REPS2: variants seen among roughly 807,000 people sequenced by gnomAD.
REPS2 encodes RALBP1 associated Eps domain containing 2, also known as ralBP1-associated Eps domain-containing protein 2.
REPS2 carries 23 observed loss-of-function variants against 53.6 expected under a neutral mutation model. That is an observed-to-expected ratio of 0.43 (90% CI 0.31 to 0.61). The LOEUF (loss-of-function observed/expected upper bound fraction) is 0.61, where lower values mean the gene tolerates loss of function less well. Ranked by LOEUF, REPS2 falls within the 20% of genes least tolerant of loss-of-function variation. REPS2 has a pLI of 0.11. For synonymous variants in REPS2, 238 were observed against 218.6 expected (o/e 1.09, Z -0.78); for missense variants, 446 against 534.9 (o/e 0.83, Z 1.64).
At chrX:16,968,792 C>T (rs1214024428) in intron 1 of REPS2, among the ~76,000 whole-genome samples, 2 of 105,476 alleles carry the variant, frequency 1.9e-5, no homozygotes, top group African/African-American at 3.5e-5. Flanking sequence ...CGCCCCTCAC[C>T]TCCCGGATGG....
At chrX:17,060,277 T>G (rs1156459277) in intron 8 of REPS2, among the ~76,000 whole-genome samples, 1 of 111,076 alleles carries the variant, frequency 9.0e-6, no homozygotes, top group Non-Finnish European at 1.9e-5. Flanking sequence ...CACTCCAGCC[T>G]GGGTGACAGA....
the REPS2 span, among the ~76,000 whole-genome samples, chrX:17,161,934 A>G: frequency 8.9e-6 from 1 of 111,990 alleles, no homozygotes; most frequent in Non-Finnish European, 1.9e-5. Context: ...AAAAGATCCT[A>G]GAGGTATAGT....
At chrX:16,989,269 CTT>C (rs2061132625) in intron 1 of REPS2, among the ~76,000 whole-genome samples, 4 of 107,679 alleles carry the variant, frequency 3.7e-5, no homozygotes, top group Non-Finnish European at 3.8e-5. Flanking sequence ...AAAAAAAACT[CTT>C]GCTGTAAATA....
At position 17,054,892 on chromosome X, in the gene REPS2, C is replaced by T. The variant is rs762688027; in HGVS notation, c.1056C>T (p.Asn352=). 1.7e-4 allele frequency: 207 copies of T among 1,209,854 alleles called. No homozygotes were observed. The South Asian group carries it at 2.9e-3, about 17-fold the overall frequency. ...TTCATCTCATTGTGGCTCGGAAGAACGGCTACCCATTGCCTGAGGGCCTCC... is the reference window on the plus strand; with the variant it reads ...TTCATCTCATTGTGGCTCGGAAGAATGGCTACCCATTGCCTGAGGGCCTCC... The part of the protein sequence containing the change: ...AAFHLIVARK[N]GYPLPEGLPP... Residue 352 remains asparagine, a synonymous_variant, in exon 8 of 18, where the codon AAC becomes AAT. Coordinates refer to ENST00000357277, the MANE Select transcript of REPS2 (RefSeq NM_004726.3).
At chrX:17,099,169 C>T (rs909296969) in intron 13 of REPS2, among the ~76,000 whole-genome samples, 14 of 111,272 alleles carry the variant, frequency 1.3e-4, no homozygotes, top group Admixed American at 3.8e-4. Context: ...TCTCACAGTC[C>T]GTATTTATGG....
At chrX:16,996,415 T>C (rs896315160) in intron 1 of REPS2, among the ~76,000 whole-genome samples, 1 of 111,678 alleles carries the variant, frequency 9.0e-6, no homozygotes, top group African/African-American at 3.3e-5. Flanking sequence ...ATCTTGTTGC[T>C]GGGAGAACAG....
chrX:17,053,958 T>C (rs1424939149), intron 7 of REPS2, among the ~76,000 whole-genome samples: 1 of 112,233 alleles, frequency 8.9e-6, no homozygotes, highest in African/African-American at 3.2e-5. Flanking sequence ...GTAATACCTT[T>C]CTAGAATAAT....
At chrX:17,194,658 C>T in the REPS2 span, among the ~76,000 whole-genome samples, 1 of 111,634 alleles carries the variant, frequency 9.0e-6, no homozygotes, top group African/African-American at 3.3e-5. Context: ...TGTTTAATAT[C>T]TTGAGTGTGG....
At chrX:17,019,773 G>A (rs1330922602) in intron 2 of REPS2, among the ~76,000 whole-genome samples, 11 of 111,770 alleles carry the variant, frequency 9.8e-5, no homozygotes, top group Non-Finnish European at 2.1e-4. Context: ...GCTGCAATGA[G>A]CTATGTTAGT....
intron 1 of REPS2, among the ~76,000 whole-genome samples, chrX:16,993,997 C>T (rs1038949315): frequency 1.8e-5 from 2 of 112,992 alleles, no homozygotes; most frequent in African/African-American, 6.4e-5. Context: ...GCCAGAACTA[C>T]AGCCAGATAA....
intron 14 of REPS2, among the ~76,000 whole-genome samples, chrX:17,120,727 T>A (rs1168441939): frequency 9.0e-6 from 1 of 111,606 alleles, no homozygotes; most frequent in Non-Finnish European, 1.9e-5. Flanking sequence ...TCATGGGCTG[T>A]CTCTCTGCCT....
chrX:17,010,329 AC>A (rs2061413271), intron 2 of REPS2, among the ~76,000 whole-genome samples: 2 of 112,237 alleles, frequency 1.8e-5, no homozygotes, highest in African/African-American at 6.5e-5. Flanking sequence ...GACAAGAATT[AC>A]TTGTTAGCTA....
chrX:16,982,370 G>C (rs2061028431), intron 1 of REPS2, among the ~76,000 whole-genome samples: 2 of 111,864 alleles, frequency 1.8e-5, no homozygotes, highest in African/African-American at 6.5e-5. Context: ...ATATATATAT[G>C]TTTTTAAACC....
chrX:17,093,166 CTATATATA>C (rs58530978), intron 13 of REPS2, among the ~76,000 whole-genome samples: 8 of 39,104 alleles, frequency 2.0e-4, no homozygotes, highest in Admixed American at 2.4e-4. Flanking sequence ...TGAGTTAATG[CTATATATA>C]TATATATATA....
chrX:16,947,217 GC>G, intron 1 of REPS2, 83 bp downstream of exon 1: 3 of 936,815 alleles, frequency 3.2e-6, no homozygotes, highest in East Asian at 4.6e-5. Flanking sequence ...CGACAGGGCT[GC>G]CCCCAGGGAC....
intron 1 of REPS2, among the ~76,000 whole-genome samples, chrX:16,948,386 G>A (rs1261482363): frequency 8.9e-6 from 1 of 112,461 alleles, no homozygotes; most frequent in Non-Finnish European, 1.9e-5. Flanking sequence ...TCCTTGATAT[G>A]TAGACAGTTC....
At chrX:17,102,073 GTTATGTTATTTTATT>G (rs1276156652) in intron 13 of REPS2, among the ~76,000 whole-genome samples, 4 of 91,798 alleles carry the variant, frequency 4.4e-5, no homozygotes, top group Admixed American at 1.4e-4. Flanking sequence ...GTTATGTTAT[GTTATGTTATTTTATT>G]TTATTTATGA....
At chrX:17,196,614 C>T in the REPS2 span, among the ~76,000 whole-genome samples, 1 of 111,944 alleles carries the variant, frequency 8.9e-6, no homozygotes, top group Non-Finnish European at 1.9e-5. Flanking sequence ...CTTTTTCAGC[C>T]TCCAGAAATG....
At chrX:16,970,419 A>G (rs7062498) in intron 1 of REPS2, among the ~76,000 whole-genome samples, 63 of 111,379 alleles carry the variant, frequency 5.7e-4, no homozygotes, top group African/African-American at 2.0e-3. Context: ...GCTGGTCTCA[A>G]ACTCCTGACC....
Sources: gnomAD v4.1 joint callset for allele counts (sites outside exome capture counted in the v4.1 genomes callset) on GRCh38, gnomAD v4.1.1 for gene constraint, MANE v1.5 for transcripts, NCBI Gene and HGNC (gene_info 2026-07-23, HGNC 2026-07-21) for gene names.